The following BTBD19 variants were observed in gnomAD, a reference collection of about 807,000 sequenced individuals.
BTBD19 encodes BTB domain containing 19, also known as BTB/POZ domain-containing protein 19.
A neutral mutation model predicts 36.1 loss-of-function variants in BTBD19; 20 were observed. The observed-to-expected ratio is 0.55, with a 90% CI of 0.39 to 0.80. The LOEUF (loss-of-function observed/expected upper bound fraction) is 0.80, where lower values mean the gene tolerates loss of function less well. Ranked by LOEUF, BTBD19 falls within the 30% of genes least tolerant of loss-of-function variation. BTBD19 has a pLI of 0.00. For synonymous variants in BTBD19, 157 were observed against 174.3 expected, an observed-to-expected ratio of 0.90 and a Z score of 0.78; for missense variants, 325 against 389.8, an observed-to-expected ratio of 0.83 and a Z score of 1.40.
intron 3 of BTBD19, among the ~76,000 whole-genome samples, chr1:44,811,184 G>GCATTCCA (rs1232774571): frequency 6.8e-6 from 1 of 146,700 alleles, no homozygotes; most frequent in Non-Finnish European, 1.5e-5. Context: ...TCGTGCCACT[G>GCATTCCA]CATTCCAGCC....
Position 44,813,722 on chromosome 1 carries a change from G to A in BTBD19, c.826G>A (p.Gly276Ser). 1 of 1,551,512 alleles carries A rather than the reference G, an allele frequency of 6.4e-7. No individual in the cohort carries two copies. Among genetic ancestry groups the A allele is most frequent in the Non-Finnish European group, 8.7e-7 (1 of 1,146,870 alleles). ...GGGCGCCCCGTGTCGCCGCCGGAGA[G>A]GCACCCTGCCCCGGGAGCATCACCG... The change falls in exon 8 of 8, where the codon GGC becomes AGC. Residue 276 changes from glycine to serine, a missense_variant. By Grantham distance (56) the Gly-to-Ser change is moderately conservative (BLOSUM62 0). Coordinates refer to ENST00000450269, the Ensembl canonical transcript of BTBD19. The surrounding 1 kb of genome is among the most constrained non-coding windows in gnomAD (Gnocchi z 7.8).
chr1:44,812,017 C>A (rs191454404), intron 3 of BTBD19, 22 bp from the exon 4 acceptor site: 1 of 1,303,906 alleles, frequency 7.7e-7, no homozygotes, highest in Non-Finnish European at 1.0e-6. Flanking sequence ...GCCACCCAAC[C>A]CACATTCATT....
downstream of BTBD19, chr1:44,814,959 A>G (rs1214953868): frequency 6.6e-6 from 1 of 151,760 alleles, no homozygotes; most frequent in East Asian, 1.9e-4. Flanking sequence ...GCTTTTCCCC[A>G]GCTCTGCCCC....
In BTBD19 at chr1:44,810,850, A is replaced by G. The variant is rs929994419; in HGVS notation, c.354+243A>G. 12 of 349,658 alleles carry G rather than the reference A, an allele frequency of 3.4e-5. No homozygotes were observed. Among genetic ancestry groups the G allele is most frequent in the African/African-American group, 2.6e-4 (12 of 46,718 alleles). 21.7% of individuals were successfully genotyped at this position (349,658 alleles called of 1,614,324 possible). On this transcript the variant is annotated intron_variant, in intron 3 of 7. Transcript: ENST00000450269. This position sits in a 1 kb window ranked among gnomAD's most constrained non-coding sequence, Gnocchi z 4.2. ...TATGGCTGGTGCTGTAGATACAAAG[A>G]TATCAGCCTTGATCCGTGTTCTCCA...
At chr1:44,809,162 T>TGGCCCCTGGCAGAAGAAAATGATTCTC (rs1375642343) in intron 1 of BTBD19, among the ~76,000 whole-genome samples, 2 of 152,180 alleles carry the variant, frequency 1.3e-5, no homozygotes, top group Non-Finnish European at 1.5e-5. Flanking sequence ...CTTTGGACTT[T>TGGCCCCTGGCAGAAGAAAATGATTCTC]GGCCCCTGGC....
chr1:44,813,716 C>G lies in BTBD19; in HGVS notation c.820C>G (p.Arg274Gly). Residue 274 changes from arginine to glycine, a missense_variant, in exon 8 of 8, where the codon CGG (arginine) becomes GGG (glycine). Coordinates refer to ENST00000450269, the Ensembl canonical transcript of BTBD19. The surrounding 1 kb of genome is among the most constrained non-coding windows in gnomAD (Gnocchi z 7.8). ...GGCCCGGGGCGCCCCGTGTCGCCGCCGGAGAGGCACCCTGCCCCGGGAGCA... is the reference window on the plus strand; with the variant it reads ...GGCCCGGGGCGCCCCGTGTCGCCGCGGGAGAGGCACCCTGCCCCGGGAGCA... 1 of 1,551,524 alleles carries G rather than the reference C, an allele frequency of 6.4e-7. No homozygotes were observed. Among genetic ancestry groups the G allele is most frequent in the Non-Finnish European group, 8.7e-7 (1 of 1,146,880 alleles).
At chr1:44,814,196 TTCTTTC>T (rs1230953942), downstream of BTBD19, 12 of 152,830 alleles carry the variant, frequency 7.9e-5, no homozygotes, top group Non-Finnish European at 1.2e-4. Flanking sequence ...CTTTCTTTCT[TTCTTTC>T]TTTCTTTCTT....
Position 44,812,113 on chromosome 1 carries a change from A to G in BTBD19, c.414+15A>G, listed in dbSNP as rs1652443854. ...AGGCCCTGCAGGTGGGTGCTGCTGG[A>G]CAGGCATGGTAGGAGTCTGGCTCTG... On this transcript the variant is annotated intron_variant, in intron 4 of 7. Transcript: ENST00000450269. 2 of 1,301,122 alleles carry G rather than the reference A, an allele frequency of 1.5e-6. No individual in the cohort carries two copies. Among genetic ancestry groups the G allele is most frequent in the African/African-American group, 3.0e-5 (2 of 65,674 alleles). The allele number at this position is 1,301,122 out of a possible 1,614,324, so 80.6% of individuals were successfully genotyped here. A position where few individuals can be genotyped will look rare whatever the true frequency, so the allele number is the denominator to read the frequency against.
chr1:44,813,967 G>A lies in BTBD19; in HGVS notation c.*195G>A. The A allele has an allele frequency of 3.5e-6, 3 of 867,168 alleles. No individual in the cohort carries two copies. The highest frequency in any genetic ancestry group is 5.2e-6 in the Non-Finnish European group (3 of 574,620). The allele number at this position is 867,168 out of a possible 1,614,324, so 53.7% of individuals were successfully genotyped here. On this transcript the variant is annotated 3_prime_UTR_variant, in exon 8 of 8. Coordinates refer to ENST00000450269, the Ensembl canonical transcript of BTBD19. The surrounding 1 kb of genome is among the most constrained non-coding windows in gnomAD (Gnocchi z 7.8). The stretch of plus-strand genomic sequence containing the variant: ...AAGCCCGTGTGGGCGAGGTGGGGTC[G>A]GGCCGGGCAGGGCTTGGGCTGGGCC...
chr1:44,813,038 G>T lies in BTBD19; in HGVS notation c.457G>T (p.Val153Leu), dbSNP rs1033897617. Residue 153 changes from valine (V) to leucine (L), a missense_variant, in exon 5 of 8, where the codon GTG (valine) becomes TTG (leucine). Val to Leu is a conservative substitution (Grantham distance 32, BLOSUM62 1). Transcript: ENST00000450269. This position sits in a 1 kb window ranked among gnomAD's most constrained non-coding sequence, Gnocchi z 7.8. ...CCTGGGGCAGCTGCAGGAGCGCTGC[G>T]TGGCTTTCATAGAGGCCCACAGCCA... 3.2e-6 allele frequency: 5 copies of T among 1,551,358 alleles called. No homozygotes were observed. Among genetic ancestry groups the T allele is most frequent in the African/African-American group, 1.4e-5 (1 of 73,008 alleles).
In BTBD19 at chr1:44,813,603, C is replaced by T. The variant is rs751437175; in HGVS notation, c.742-35C>T. On this transcript the variant is annotated intron_variant, in intron 7 of 7. Transcript: ENST00000450269. This position sits in a 1 kb window ranked among gnomAD's most constrained non-coding sequence, Gnocchi z 7.8. ...CACGGTCCTCGGGGCGAGGGGCCAC[C>T]GCGGGACTGCGCACTAACTGGCCTT... 5.2e-6 allele frequency: 8 copies of T among 1,540,522 alleles called. No individual in the cohort carries two copies. Among genetic ancestry groups the T allele is most frequent in the South Asian group, 4.8e-5 (4 of 83,156 alleles).
chr1:44,814,156 T>TTCTTTCTGTCTG (rs759514735), downstream of BTBD19: 35 of 106,630 alleles, frequency 3.3e-4, 1 homozygote, highest in Non-Finnish European at 5.5e-4. Flanking sequence ...TTCTCTTTCT[T>TTCTTTCTGTCTG]TCTTTCTTTC....
intron 4 of BTBD19, chr1:44,812,615 T>C (rs1366076417): frequency 2.5e-6 from 1 of 394,158 alleles, no homozygotes; most frequent in East Asian, 6.8e-5. Context: ...GAGAATCGCT[T>C]GAACCCGGGA....
chr1:44,814,174 C>CTTTCTTTCTT (rs1652597781), downstream of BTBD19: 1 of 140,984 alleles, frequency 7.1e-6, no homozygotes, highest in Non-Finnish European at 1.4e-5. Flanking sequence ...TTCTTTCTTT[C>CTTTCTTTCTT]TTTCTTTCTT....
Position 44,813,298 on chromosome 1 carries a change from A to G in BTBD19, c.615+29A>G, listed in dbSNP as rs1417915696. 6.5e-7 allele frequency: 1 copy of G among 1,537,590 alleles called. No homozygotes were observed. Among genetic ancestry groups the G allele is most frequent in the Non-Finnish European group, 8.7e-7 (1 of 1,145,204 alleles). On this transcript the variant is annotated intron_variant, in intron 6 of 7. Coordinates refer to ENST00000450269, the Ensembl canonical transcript of BTBD19. This position sits in a 1 kb window ranked among gnomAD's most constrained non-coding sequence, Gnocchi z 7.8. ...AGTGGGGCTGGGGGAGCGCAAGGGC[A>G]CGGAAGGAGGTGCTGGCCACGAGAC...
exon 1 of BTBD19, chr1:44,808,844 G>A (rs1350738963): frequency 6.5e-7 from 1 of 1,549,992 alleles, no homozygotes; most frequent in Non-Finnish European, 8.7e-7. Context: ...GACTGGTCGT[G>A]CATGGGAAAG....
At chr1:44,814,256 TTCTTTC>T (rs1244014423), downstream of BTBD19, 4 of 140,034 alleles carry the variant, frequency 2.9e-5, no homozygotes, top group East Asian at 6.0e-4. Context: ...CCTTCCTTCT[TTCTTTC>T]TCTTTCTCTA....
rs1573624990 is a variant in BTBD19 at position 44,811,207 on chromosome 1, C to G, written c.354+600C>G. ...CTGCATTCCAGCCTGGGTGACAGAG[C>G]AAGACTTGCCCTCAAAAAAAAAAAA... On this transcript the variant is annotated intron_variant, in intron 3 of 7. Coordinates refer to ENST00000450269, the Ensembl canonical transcript of BTBD19. Among the ~76,000 whole-genome samples the G allele has an allele frequency of 2.4e-5, 3 of 123,354 alleles. No individual in the cohort carries two copies. In the East Asian group the frequency reaches 6.8e-4, roughly 28 times the overall value. The allele number at this position is 123,354 out of a possible 152,430, so 80.9% of individuals were successfully genotyped here.
intron 1 of BTBD19, among the ~76,000 whole-genome samples, chr1:44,809,186 T>G (rs1429664453): frequency 6.6e-6 from 1 of 152,098 alleles, no homozygotes; most frequent in Non-Finnish European, 1.5e-5. Flanking sequence ...AGAAAATGAT[T>G]CTCAGCCCCT....
Sources: allele counts gnomAD v4.1 joint callset (sites outside exome capture counted in the v4.1 genomes callset), GRCh38; gene constraint gnomAD v4.1.1; non-coding constraint Gnocchi (gnomAD v3.1); transcripts MANE v1.5; gene names NCBI Gene and HGNC (gene_info 2026-07-23, HGNC 2026-07-21).